Variants in CCDC171 observed in about 807,000 individuals in gnomAD.
CCDC171 encodes the protein coiled-coil domain containing 171, also known as coiled-coil domain-containing protein 171.
Under a neutral mutation model 168.2 loss-of-function variants are expected in CCDC171, and 177 were observed. The ratio of observed to expected loss-of-function variants is 1.05; its 90% CI spans 0.93 to 1.19. CCDC171 has a LOEUF of 1.19. Among genes scored for constraint, CCDC171 ranks in the 50% most tolerant of loss-of-function variants. The pLI, the probability that CCDC171 is intolerant of heterozygous loss-of-function variation, is 0.00. For synonymous variants in CCDC171, 687 were observed against 540.8 expected (o/e 1.27, Z -3.75); for missense variants, 1,991 against 1,539.0 (o/e 1.29, Z -4.91).
At chr9:15,788,102 A>G (rs780787047) in intron 21 of CCDC171, among the ~76,000 whole-genome samples, 3 of 152,278 alleles carry the variant, frequency 2.0e-5, no homozygotes, top group African/African-American at 2.4e-5. Flanking sequence ...TTTAATTACT[A>G]TCTCTTAATT....
chr9:15,644,976 C>A (rs1162355237), intron 7 of CCDC171, among the ~76,000 whole-genome samples: 1 of 152,220 alleles, frequency 6.6e-6, no homozygotes, highest in Non-Finnish European at 1.5e-5. Context: ...GAGTAGCCTA[C>A]CTGGGAGGCA....
rs77744055 is a variant in CCDC171 at position 15,832,609 on chromosome 9, C to G, written c.3268-14093C>G. Among the ~76,000 whole-genome samples, 25 of 152,136 alleles carry G rather than the reference C, an allele frequency of 1.6e-4. No individual in the cohort carries two copies. In the East Asian group the frequency reaches 4.4e-3, roughly 27 times the overall value. On this transcript the variant is annotated intron_variant, in intron 21 of 25. Transcript: ENST00000380701. ...GGTATAGAAGATAAAAATCATATACCTATGTAGGGCACTTACCATGAATGG... is the reference window on the plus strand; with the variant it reads ...GGTATAGAAGATAAAAATCATATACGTATGTAGGGCACTTACCATGAATGG...
chr9:15,564,840 A>T (rs888229392), intron 2 of CCDC171, among the ~76,000 whole-genome samples: 11 of 152,250 alleles, frequency 7.2e-5, no homozygotes, highest in Non-Finnish European at 1.3e-4. Context: ...GCTGAATCTA[A>T]GAGTAAAACA....
chr9:15,998,886 A>C (rs911726411), intron 3 of CCDC171, among the ~76,000 whole-genome samples: 1 of 152,196 alleles, frequency 6.6e-6, no homozygotes, highest in African/African-American at 2.4e-5. Context: ...CAGAACAGGA[A>C]AGATGGGTCT....
At chr9:15,632,276 C>A (rs1029104419) in intron 7 of CCDC171, among the ~76,000 whole-genome samples, 1 of 151,064 alleles carries the variant, frequency 6.6e-6, no homozygotes, top group African/African-American at 2.4e-5. Context: ...AAAACCCCAT[C>A]GTCTCAGCCC....
At chr9:15,662,728 C>G (rs2048408916) in intron 8 of CCDC171, among the ~76,000 whole-genome samples, 1 of 152,058 alleles carries the variant, frequency 6.6e-6, no homozygotes, top group Admixed American at 6.5e-5. Context: ...GAAATCCCAG[C>G]ACTTTGGGAG....
At chr9:15,883,898 C>T (rs1588985143) in intron 24 of CCDC171, among the ~76,000 whole-genome samples, 1 of 152,246 alleles carries the variant, frequency 6.6e-6, no homozygotes, top group East Asian at 1.9e-4. Flanking sequence ...AAAATCATAG[C>T]AGAATCAGTA....
At chr9:15,563,677 A>G (rs1292914218) in intron 1 of CCDC171, among the ~76,000 whole-genome samples, 1 of 152,010 alleles carries the variant, frequency 6.6e-6, no homozygotes, top group Non-Finnish European at 1.5e-5. Flanking sequence ...CTTGGCCAAA[A>G]TTTCAACCTC....
intron 21 of CCDC171, among the ~76,000 whole-genome samples, chr9:15,838,728 G>C (rs146120722): frequency 1.5e-3 from 222 of 152,264 alleles, no homozygotes; most frequent in African/African-American, 5.2e-3. Flanking sequence ...CACCACGCCT[G>C]GCTGGATACC....
intron 3 of CCDC171, among the ~76,000 whole-genome samples, chr9:15,995,289 A>C (rs1832337002): frequency 6.6e-6 from 1 of 152,244 alleles, no homozygotes; most frequent in Admixed American, 6.5e-5. Flanking sequence ...AGAAATAACA[A>C]AGGCTTGTAA....
At chr9:16,047,458 C>T (rs758074776) in intron 1 of CCDC171, among the ~76,000 whole-genome samples, 7 of 152,192 alleles carry the variant, frequency 4.6e-5, no homozygotes, top group Non-Finnish European at 1.0e-4. Flanking sequence ...AGTACAGGTG[C>T]CTTTGGGAGT....
At chr9:15,993,346 AG>A (rs1257121083) in intron 3 of CCDC171, among the ~76,000 whole-genome samples, 1 of 152,236 alleles carries the variant, frequency 6.6e-6, no homozygotes, top group African/African-American at 2.4e-5. Flanking sequence ...CAATGGGGAA[AG>A]GATTCCCTAT....
intron 24 of CCDC171, among the ~76,000 whole-genome samples, chr9:15,898,711 A>G (rs1338949742): frequency 6.6e-6 from 1 of 152,106 alleles, no homozygotes; most frequent in African/African-American, 2.4e-5. Context: ...TTATTTTGAA[A>G]TAATTATAGA....
At chr9:16,056,793 A>G (rs1420237510) in intron 1 of CCDC171, among the ~76,000 whole-genome samples, 1 of 152,196 alleles carries the variant, frequency 6.6e-6, no homozygotes, top group African/African-American at 2.4e-5. Context: ...CGGCCCTAAC[A>G]GTGAAGTTTT....
chr9:15,628,055 G>A (rs927778157), intron 7 of CCDC171, among the ~76,000 whole-genome samples: 6 of 152,140 alleles, frequency 3.9e-5, no homozygotes, highest in Non-Finnish European at 8.8e-5. Context: ...GAGCCAAGAT[G>A]GCCGAATAGG....
intron 23 of CCDC171, among the ~76,000 whole-genome samples, chr9:15,851,242 A>G (rs2061113673): frequency 6.6e-6 from 1 of 151,974 alleles, no homozygotes; most frequent in Admixed American, 6.6e-5. Flanking sequence ...AGTTGATTAG[A>G]TATTATTTTC....
rs532767021 is a variant in CCDC171, at chr9:15,791,292, C to A, written c.3267+6598C>A. Among the ~76,000 whole-genome samples, 9 of 152,164 alleles carry A rather than the reference C, an allele frequency of 5.9e-5. No homozygotes were observed. In the South Asian group the frequency reaches 1.7e-3, roughly 28 times the overall value. ...TTTCCTTGAGCAGTGGTTTGTAGTT[C>A]TCCTTGAAGAGGTCCTTCACATCCC... is the stretch of plus-strand genomic sequence containing the variant. On this transcript the variant is annotated intron_variant, in intron 21 of 25. Coordinates refer to ENST00000380701, the MANE Select transcript of CCDC171 (RefSeq NM_173550.4).
intron 2 of CCDC171, among the ~76,000 whole-genome samples, chr9:15,567,781 G>A (rs142906441): frequency 3.2e-4 from 48 of 151,844 alleles, no homozygotes; most frequent in African/African-American, 1.2e-3. Context: ...AGCCTCCTTA[G>A]TAGCTAGGAC....
intron 24 of CCDC171, among the ~76,000 whole-genome samples, chr9:15,887,310 T>C (rs1186004079): frequency 6.6e-6 from 1 of 152,160 alleles, no homozygotes; most frequent in Non-Finnish European, 1.5e-5. Context: ...CAGTGAAATG[T>C]AGAGTAATTT....
Sources: allele counts gnomAD v4.1 joint callset (sites outside exome capture counted in the v4.1 genomes callset), GRCh38; gene constraint gnomAD v4.1.1; transcripts MANE v1.5; gene names NCBI Gene and HGNC (gene_info 2026-07-23, HGNC 2026-07-21).